The following PANK1 variants were observed in gnomAD, a reference collection of about 807,000 sequenced individuals.
PANK1 encodes the protein pantothenate kinase 1, also known as pantothenic acid kinase 1.
A neutral mutation model predicts 40.1 loss-of-function variants in PANK1; 18 were observed. The ratio of observed to expected loss-of-function variants is 0.45; its 90% CI spans 0.31 to 0.67. The LOEUF (loss-of-function observed/expected upper bound fraction) is 0.67, where lower values mean the gene tolerates loss of function less well. Among genes scored for constraint, PANK1 ranks in the 30% least tolerant of loss-of-function variants. PANK1 has a pLI of 0.06. For synonymous variants in PANK1, 242 were observed against 237.7 expected (o/e 1.02, Z -0.17); for missense variants, 457 against 599.6 (o/e 0.76, Z 2.48).
chr10:89,600,291 G>A (rs1844736679), intron 2 of PANK1, among the ~76,000 whole-genome samples: 1 of 152,216 alleles, frequency 6.6e-6, no homozygotes, highest in Admixed American at 6.5e-5. Context: ...TTCCTTGGTA[G>A]AGCATGAAGT....
intron 1 of PANK1, among the ~76,000 whole-genome samples, chr10:89,636,858 A>C (rs1310373340): frequency 3.4e-5 from 5 of 147,684 alleles, no homozygotes; most frequent in African/African-American, 1.3e-4. Context: ...GCCACACCAG[A>C]GCACCCCTCT....
In PANK1 at chr10:89,584,259, C is replaced by T. The variant is rs1844123828; in HGVS notation, c.*147G>A. ...TCAAAACCTAAGAGTAAAAGATCAT[C>T]TGGAAGGATTTTAAATTATTTACAA... On this transcript the variant is annotated 3_prime_UTR_variant, in exon 7 of 7. Transcript: ENST00000307534. The T allele has an allele frequency of 1.6e-6, 1 of 620,128 alleles. No individual in the cohort carries two copies. The highest frequency in any genetic ancestry group is 2.4e-5 in the South Asian group (1 of 41,482). The allele number at this position is 620,128 out of a possible 1,614,324, so 38.4% of individuals were successfully genotyped here.
chr10:89,593,398 G>A (rs1014453471), intron 4 of PANK1, 78 bp from the exon 5 acceptor site: 12 of 1,488,964 alleles, frequency 8.1e-6, no homozygotes, highest in Admixed American at 7.7e-5. Context: ...TATTGTGGAA[G>A]GCTCTACGAG....
intron 5 of PANK1, among the ~76,000 whole-genome samples, chr10:89,592,284 G>C (rs947501579): frequency 2.0e-5 from 3 of 152,184 alleles, no homozygotes; most frequent in Non-Finnish European, 4.4e-5. Flanking sequence ...TAACACCCAT[G>C]TATCATAAAG....
chr10:89,639,236 G>C, intron 1 of PANK1: 1 of 452,910 alleles, frequency 2.2e-6, no homozygotes, highest in Non-Finnish European at 4.5e-6. Flanking sequence ...AAAGGCAAAA[G>C]AGCATGCTTG....
chr10:89,617,209 C>A (rs1408881487), intron 1 of PANK1, among the ~76,000 whole-genome samples: 1 of 152,194 alleles, frequency 6.6e-6, no homozygotes, highest in Non-Finnish European at 1.5e-5. Context: ...AGAACCTGGC[C>A]TATTCCAACT....
chr10:89,595,831 AAAATATATATATATATATATATATATAT>A (rs1447535376), intron 3 of PANK1, among the ~76,000 whole-genome samples: 6 of 56,728 alleles, frequency 1.1e-4, no homozygotes, highest in African/African-American at 2.0e-4. Context: ...AAAAAAAAAA[AAAATATATATATATATATATATATATAT>A]ATATATATAT....
At chr10:89,590,714 G>A (rs1432163973) in intron 5 of PANK1, among the ~76,000 whole-genome samples, 1 of 152,068 alleles carries the variant, frequency 6.6e-6, no homozygotes, top group African/African-American at 2.4e-5. Context: ...ATATCTATAT[G>A]TTAAAATGCT....
In PANK1 at chr10:89,584,305, A is replaced by T; in HGVS notation, c.*101T>A. The T allele has an allele frequency of 1.3e-6, 1 of 745,978 alleles. No individual in the cohort carries two copies. Among genetic ancestry groups the T allele is most frequent in the Non-Finnish European group, 2.4e-6 (1 of 409,692 alleles). 46.2% of individuals were successfully genotyped at this position (745,978 alleles called of 1,614,324 possible). ...TACAAATCCAGCAGGTTCATCTGCC[A>T]TAATGGCTTGGCTTCCGTCCCAAAG... On this transcript the variant is annotated 3_prime_UTR_variant, in exon 7 of 7. Coordinates refer to ENST00000307534, the MANE Select transcript of PANK1 (RefSeq NM_148977.3).
chr10:89,629,261 G>A (rs571521656), intron 1 of PANK1, among the ~76,000 whole-genome samples: 4 of 152,226 alleles, frequency 2.6e-5, no homozygotes, highest in East Asian at 1.9e-4. Context: ...AGCTGCCTTC[G>A]GGGTTATCAC....
chr10:89,605,501 T>C (rs1844936834), intron 2 of PANK1, among the ~76,000 whole-genome samples: 1 of 152,260 alleles, frequency 6.6e-6, no homozygotes, highest in South Asian at 2.1e-4. Flanking sequence ...CCATTTTCTT[T>C]GCCCATCCAT....
chr10:89,626,005 CAG>C (rs1404443575), intron 1 of PANK1, among the ~76,000 whole-genome samples: 1 of 152,184 alleles, frequency 6.6e-6, no homozygotes, highest in Admixed American at 6.5e-5. Context: ...ACAAGAAAAT[CAG>C]AGAGAAAGAT....
chr10:89,635,510 TACACTGGGGATTTTCA>T (rs1841777112), intron 1 of PANK1, among the ~76,000 whole-genome samples: 1 of 152,180 alleles, frequency 6.6e-6, no homozygotes, highest in South Asian at 2.1e-4. Flanking sequence ...CCAACACTGT[TACACTGGGGATTTTCA>T]ACACGTGCTT....
At chr10:89,615,688 TG>T (rs1237351523) in intron 1 of PANK1, among the ~76,000 whole-genome samples, 1 of 152,214 alleles carries the variant, frequency 6.6e-6, no homozygotes, top group African/African-American at 2.4e-5. Flanking sequence ...TTAGTTTAAG[TG>T]GCAAAAGAAA....
At chr10:89,611,556 G>A (rs1487907436) in intron 2 of PANK1, 140 bp downstream of exon 2, 1 of 625,770 alleles carries the variant, frequency 1.6e-6, no homozygotes, top group Admixed American at 3.1e-5. Flanking sequence ...TCTTGTATAG[G>A]TGAGAAAACT....
chr10:89,638,749 T>C lies in PANK1; in HGVS notation c.292+5851A>G, dbSNP rs1170431254. Among the ~76,000 whole-genome samples, 5 of 152,340 alleles carry C rather than the reference T, an allele frequency of 3.3e-5. No homozygotes were observed. The East Asian group carries it at 9.6e-4, about 29-fold the overall frequency. On this transcript the variant is annotated intron_variant, in intron 1 of 6. Coordinates refer to ENST00000307534, the MANE Select transcript of PANK1 (RefSeq NM_148977.3). ...GTCCTTACTCCACTTTCCAATACCT[T>C]ATTCCTCTTTTCCATCTGAGATCTC... is the stretch of plus-strand genomic sequence containing the variant.
At chr10:89,593,754 C>T in intron 4 of PANK1, 59 bp downstream of exon 4, 1 of 1,296,212 alleles carries the variant, frequency 7.7e-7, no homozygotes, top group Non-Finnish European at 1.1e-6. Flanking sequence ...AGTGAATGGC[C>T]AGGGTGGAGA....
downstream of PANK1, chr10:89,580,114 T>G (rs778677983): frequency 6.6e-6 from 1 of 152,222 alleles, no homozygotes; most frequent in African/African-American, 2.4e-5. Flanking sequence ...AATAGACTCA[T>G]AGTGGGGCTG....
At chr10:89,616,657 T>A (rs1035757507) in intron 1 of PANK1, among the ~76,000 whole-genome samples, 11 of 151,946 alleles carry the variant, frequency 7.2e-5, no homozygotes, top group Non-Finnish European at 1.2e-4. Flanking sequence ...GCGCGGTGGT[T>A]CACGCCTGTA....
Sources: gnomAD v4.1 joint callset for allele counts (sites outside exome capture counted in the v4.1 genomes callset) on GRCh38, gnomAD v4.1.1 for gene constraint, MANE v1.5 for transcripts, NCBI Gene and HGNC (gene_info 2026-07-23, HGNC 2026-07-21) for gene names.